Variants in PDE1C observed in about 807,000 individuals in gnomAD.
The protein encoded by PDE1C is dual specificity calcium/calmodulin-dependent 3',5'-cyclic nucleotide phosphodiesterase 1C.
In PDE1C, 62 loss-of-function variants were observed where a neutral mutation model predicts 93.1. The observed-to-expected ratio is 0.67, with a 90% CI of 0.54 to 0.82. The LOEUF (loss-of-function observed/expected upper bound fraction) is 0.82. Ranked by LOEUF, PDE1C falls within the 40% of genes least tolerant of loss-of-function variation. The pLI, the probability that PDE1C is intolerant of heterozygous loss-of-function variation, is 0.00. For missense variants in PDE1C, 742 were observed against 884.6 expected (o/e 0.84, Z 2.04); for synonymous variants, 325 against 310.1 (o/e 1.05, Z -0.50).
intron 2 of PDE1C, among the ~76,000 whole-genome samples, chr7:32,013,130 G>C (rs994933874): frequency 6.6e-6 from 1 of 152,148 alleles, no homozygotes; most frequent in Non-Finnish European, 1.5e-5. Flanking sequence ...TTCAGATAGT[G>C]TTAATATACA....
chr7:31,920,552 CT>C lies in PDE1C; in HGVS notation c.129-39693del, dbSNP rs375309247. Among the ~76,000 whole-genome samples the C allele has an allele frequency of 6.9e-3, 1,037 of 151,092 alleles. 3 individuals carry two copies. Among genetic ancestry groups the C allele is most frequent in the African/African-American group, 0.013 (544 of 40,598 alleles). ...TCAGGGTATAGCCACCTTGTTAAGT[CT>C]TTTTTTTATCACCATTTTTATTAAG... is the stretch of plus-strand genomic sequence containing the variant. On this transcript the variant is annotated intron_variant, in intron 2 of 17. Coordinates refer to ENST00000396191, the MANE Select transcript of PDE1C (RefSeq NM_001191057.4).
At chr7:32,421,225 A>G (rs1785426892) in intron 1 of PDE1C, among the ~76,000 whole-genome samples, 1 of 152,172 alleles carries the variant, frequency 6.6e-6, no homozygotes. Context: ...TGAACCCTCT[A>G]AGGCCACATG....
chr7:31,721,376 T>C, the PDE1C span, among the ~76,000 whole-genome samples: 1 of 152,234 alleles, frequency 6.6e-6, no homozygotes, highest in Non-Finnish European at 1.5e-5. Flanking sequence ...AGACACTAAC[T>C]ACCACACTAA....
At chr7:32,266,507 T>C (rs944795151) in intron 1 of PDE1C, among the ~76,000 whole-genome samples, 8 of 151,240 alleles carry the variant, frequency 5.3e-5, no homozygotes, top group African/African-American at 1.7e-4. Context: ...CAAAAAAAAA[T>C]AAAAAGCCTT....
chr7:31,678,372 C>T, the PDE1C span, among the ~76,000 whole-genome samples: 5 of 152,074 alleles, frequency 3.3e-5, no homozygotes, highest in Non-Finnish European at 7.4e-5. Flanking sequence ...TAGTGCTTGA[C>T]TAGGTAAAAC....
chr7:32,146,873 G>A (rs941380367), intron 3 of PDE1C, among the ~76,000 whole-genome samples: 23 of 152,026 alleles, frequency 1.5e-4, no homozygotes, highest in Middle Eastern at 3.2e-3. Context: ...ATAAGTTGGA[G>A]GTATTTTTCC....
chr7:31,826,141 C>T (rs1415055625), intron 12 of PDE1C, among the ~76,000 whole-genome samples: 6 of 152,080 alleles, frequency 3.9e-5, no homozygotes, highest in South Asian at 2.1e-4. Context: ...ACATGAAAAC[C>T]GGAAGGAAAC....
At chr7:31,814,236 G>A (rs1365042719) in intron 15 of PDE1C, among the ~76,000 whole-genome samples, 2 of 152,046 alleles carry the variant, frequency 1.3e-5, no homozygotes, top group Non-Finnish European at 2.9e-5. Context: ...TTTCCTCTGG[G>A]TAGATACCCA....
At chr7:32,041,688 T>A (rs1312999445) in intron 2 of PDE1C, among the ~76,000 whole-genome samples, 1 of 152,240 alleles carries the variant, frequency 6.6e-6, no homozygotes, top group East Asian at 1.9e-4. Context: ...GCACTTTAGC[T>A]GTTAAGTACG....
intron 16 of PDE1C, among the ~76,000 whole-genome samples, chr7:31,794,941 A>C (rs970882680): frequency 6.6e-6 from 1 of 152,020 alleles, no homozygotes; most frequent in Non-Finnish European, 1.5e-5. Flanking sequence ...AAGATTCTAA[A>C]TGATGAGAAA....
the PDE1C span, chr7:31,658,204 A>G: frequency 7.9e-6 from 11 of 1,386,618 alleles, no homozygotes; most frequent in Non-Finnish European, 1.0e-5. Flanking sequence ...TTTTTAGCCC[A>G]CAGAAGAACA....
chr7:32,375,060 T>C (rs752326060), intron 1 of PDE1C, among the ~76,000 whole-genome samples: 4 of 152,140 alleles, frequency 2.6e-5, no homozygotes, highest in Admixed American at 6.6e-5. Context: ...GAACTGTTTA[T>C]AAAATTGTGA....
At chr7:31,620,334 G>C in the PDE1C span, among the ~76,000 whole-genome samples, 393 of 152,198 alleles carry the variant, frequency 2.6e-3, 1 homozygote, top group African/African-American at 9.1e-3. Context: ...CCTGACCCCT[G>C]AGCAGCCTAA....
intron 3 of PDE1C, among the ~76,000 whole-genome samples, chr7:32,086,409 C>T (rs1797077231): frequency 6.6e-6 from 1 of 152,104 alleles, no homozygotes; most frequent in Non-Finnish European, 1.5e-5. Context: ...GAATAAATAT[C>T]GTGAAAATGG....
chr7:32,374,852 C>T (rs941069439), intron 1 of PDE1C, among the ~76,000 whole-genome samples: 1 of 151,976 alleles, frequency 6.6e-6, no homozygotes, highest in African/African-American at 2.4e-5. Flanking sequence ...CAATTGTATC[C>T]CAGCTCATCA....
intron 2 of PDE1C, among the ~76,000 whole-genome samples, chr7:32,171,684 C>T (rs1802662847): frequency 6.6e-6 from 1 of 150,832 alleles, no homozygotes; most frequent in Non-Finnish European, 1.5e-5. Context: ...TACAAGTTAT[C>T]TAGAAGTGAT....
chr7:31,762,751 C>A (rs1794913882), intron 17 of PDE1C, among the ~76,000 whole-genome samples: 1 of 152,116 alleles, frequency 6.6e-6, no homozygotes, highest in Admixed American at 6.6e-5. Context: ...GCAAAGAATG[C>A]AGGGGACAGG....
intron 1 of PDE1C, among the ~76,000 whole-genome samples, chr7:32,285,141 C>A (rs1358266731): frequency 6.6e-6 from 1 of 152,184 alleles, no homozygotes; most frequent in Non-Finnish European, 1.5e-5. Flanking sequence ...CCTTAACAAA[C>A]TCTCCATTTG....
intron 16 of PDE1C, among the ~76,000 whole-genome samples, chr7:31,776,025 T>C (rs1358598351): frequency 1.3e-5 from 2 of 150,646 alleles, no homozygotes; most frequent in Admixed American, 6.6e-5. Context: ...GTTTTCTAAA[T>C]AGGAAGTTGC....
Sources: allele counts gnomAD v4.1 joint callset (sites outside exome capture counted in the v4.1 genomes callset), GRCh38; gene constraint gnomAD v4.1.1; transcripts MANE v1.5; gene names NCBI Gene and HGNC (gene_info 2026-07-23, HGNC 2026-07-21).